Variants in UMAD1 observed in about 807,000 individuals in gnomAD.
UMAD1 encodes the protein UBAP1-MVB12-associated (UMA) domain containing 1, also known as UBAP1-MVB12-associated (UMA)-domain containing protein 1.
In UMAD1, 8 loss-of-function variants were observed where a neutral mutation model predicts 6.1. That is an observed-to-expected ratio of 1.30 (90% CI 0.76 to 2.35). UMAD1 has a LOEUF of 2.35. UMAD1 is among the 30% of genes most tolerant of loss of function. The pLI is 0.00. For missense variants in UMAD1, 130 were observed against 78.4 expected (o/e 1.66, Z -2.49); for synonymous variants, 56 against 31.4 (o/e 1.78, Z -2.61).
intron 2 of UMAD1, among the ~76,000 whole-genome samples, chr7:7,675,464 A>G (rs907126010): frequency 6.6e-6 from 1 of 152,168 alleles, no homozygotes; most frequent in African/African-American, 2.4e-5. Context: ...CTATCTCAGT[A>G]GAAGCCCAGT....
intron 3 of UMAD1, among the ~76,000 whole-genome samples, chr7:7,865,136 T>A (rs1784202003): frequency 6.6e-6 from 1 of 152,164 alleles, no homozygotes; most frequent in African/African-American, 2.4e-5. Context: ...TTTTGTAAGC[T>A]GCTCTAGCAA....
chr7:7,838,777 T>G lies in UMAD1; in HGVS notation c.156+37034T>G, dbSNP rs149365567. ...AAGGATATGAAAATAGATTTAAAAC[T>G]GCTTCACATAGCAGTATGGATGAAT... On this transcript the variant is annotated intron_variant, in intron 3 of 3. Transcript: ENST00000682710. Among the ~76,000 whole-genome samples the G allele has an allele frequency of 9.5e-3, 1,441 of 152,328 alleles. 22 individuals carry two copies. The highest frequency in any genetic ancestry group is 0.033 in the African/African-American group (1,364 of 41,570).
chr7:7,665,014 T>C lies in UMAD1; in HGVS notation c.-63-8295T>C, dbSNP rs185993468. Reference sequence around the variant, plus strand: ...TGGGTGATATATAGATATATATATATACACACACACACACATTCATACACA... The same window carrying C: ...TGGGTGATATATAGATATATATATACACACACACACACACATTCATACACA... On this transcript the variant is annotated intron_variant, in intron 1 of 3. Transcript: ENST00000682710. Among the ~76,000 whole-genome samples the C allele has an allele frequency of 2.6e-3, 379 of 148,058 alleles. 2 individuals carry two copies. The highest frequency in any genetic ancestry group is 8.6e-3 in the African/African-American group (356 of 41,194).
At chr7:7,755,168 A>G (rs10156195) in intron 2 of UMAD1, among the ~76,000 whole-genome samples, 14,140 of 152,106 alleles carry the variant, frequency 0.093, 731 homozygotes, top group African/African-American at 0.13. Context: ...AGACACAAAT[A>G]TTTTATTCTT....
chr7:7,684,022 G>A (rs748867065), intron 2 of UMAD1, among the ~76,000 whole-genome samples: 7 of 152,106 alleles, frequency 4.6e-5, no homozygotes, highest in Admixed American at 1.3e-4. Flanking sequence ...GACGCTCAAC[G>A]CTCTGATATA....
chr7:7,794,866 A>G (rs1216854592), intron 2 of UMAD1, among the ~76,000 whole-genome samples: 1 of 152,184 alleles, frequency 6.6e-6, no homozygotes, highest in Non-Finnish European at 1.5e-5. Flanking sequence ...TAAGGTCTGA[A>G]GAGAGACGCT....
chr7:7,761,420 G>T (rs1028429489), intron 2 of UMAD1, among the ~76,000 whole-genome samples: 3 of 148,400 alleles, frequency 2.0e-5, no homozygotes, highest in East Asian at 3.9e-4. Context: ...TTAGAAAATT[G>T]TTGTAATATG....
intron 2 of UMAD1, among the ~76,000 whole-genome samples, chr7:7,697,449 T>C (rs74893567): frequency 0.018 from 2,738 of 152,320 alleles, 82 homozygotes; most frequent in African/African-American, 0.063. Context: ...AGGTATCTTA[T>C]GGGTACATAC....
chr7:7,831,533 C>T (rs2115305162), intron 3 of UMAD1, among the ~76,000 whole-genome samples: 1 of 152,234 alleles, frequency 6.6e-6, no homozygotes, highest in Admixed American at 6.5e-5. Flanking sequence ...AATTGGATTA[C>T]TTAGTTTTGT....
intron 3 of UMAD1, among the ~76,000 whole-genome samples, chr7:7,820,499 C>A (rs897535215): frequency 6.6e-6 from 1 of 152,068 alleles, no homozygotes; most frequent in African/African-American, 2.4e-5. Context: ...AATATTATGT[C>A]TTTTAAATTT....
At position 7,801,673 on chromosome 7, in the gene UMAD1, A is replaced by G; in HGVS notation, c.86A>G (p.Asp29Gly). The stretch of plus-strand genomic sequence containing the variant: ...AGACATATATTTTACTTCATAGGAG[A>G]TACAACAGATGAGCAAAGAATGACA... ...TEADGFVLLG[D>G]TTDEQRMTAR... The change falls in exon 3 of 4, where the codon GAT becomes GGT. Residue 29 changes from aspartate (D) to glycine (G), a missense_variant. Asp to Gly is a moderately conservative substitution (Grantham distance 94). Coordinates refer to ENST00000682710, the MANE Select transcript of UMAD1 (RefSeq NM_001302348.2). 1 of 717,938 alleles carries G rather than the reference A, an allele frequency of 1.4e-6. No individual in the cohort carries two copies. The highest frequency in any genetic ancestry group is 2.7e-5 in the East Asian group (1 of 37,278). The allele number at this position is 717,938 out of a possible 1,614,324, so 44.5% of individuals were successfully genotyped here. A position where few individuals can be genotyped will look rare whatever the true frequency, so the allele number is the denominator to read the frequency against.
At chr7:7,775,623 GA>G (rs1285577292) in intron 2 of UMAD1, among the ~76,000 whole-genome samples, 1 of 152,140 alleles carries the variant, frequency 6.6e-6, no homozygotes, top group African/African-American at 2.4e-5. Flanking sequence ...ACACCCACTA[GA>G]AAGGCTAAAA....
At chr7:7,742,579 G>C in intron 2 of UMAD1, 1 of 510,986 alleles carries the variant, frequency 2.0e-6, no homozygotes, top group Non-Finnish European at 3.9e-6. Context: ...AAAAGGGTCA[G>C]GACAATTTCT....
chr7:7,751,994 A>G (rs915179998), intron 2 of UMAD1, among the ~76,000 whole-genome samples: 1 of 152,182 alleles, frequency 6.6e-6, no homozygotes, highest in Admixed American at 6.5e-5. Flanking sequence ...ACTTTAAACT[A>G]TAGTTTGAAA....
chr7:7,775,804 A>G (rs527671184), intron 2 of UMAD1, among the ~76,000 whole-genome samples: 1 of 152,344 alleles, frequency 6.6e-6, no homozygotes, highest in South Asian at 2.1e-4. Context: ...CTAGGTATTT[A>G]CTCAGGAGAA....
chr7:7,652,603 G>A (rs1417669868), intron 1 of UMAD1, among the ~76,000 whole-genome samples: 1 of 152,224 alleles, frequency 6.6e-6, no homozygotes, highest in Admixed American at 6.5e-5. Context: ...TAGAGAAGTA[G>A]GATAAAGAGG....
intron 2 of UMAD1, among the ~76,000 whole-genome samples, chr7:7,782,047 G>A (rs1346372930): frequency 1.3e-5 from 2 of 151,880 alleles, no homozygotes; most frequent in African/African-American, 2.4e-5. Context: ...CTATCATTAC[G>A]TTAGGAAAAG....
At position 7,788,753 on chromosome 7, in the gene UMAD1, A is replaced by T. The variant is rs533677634; in HGVS notation, c.83-12917A>T. ...GACTTAGAATATTTGTTGATATCAAACCTCTCCCCACCAAACACTTGAATT... is the reference window on the plus strand; with the variant it reads ...GACTTAGAATATTTGTTGATATCAATCCTCTCCCCACCAAACACTTGAATT... On this transcript the variant is annotated intron_variant, in intron 2 of 3. Coordinates refer to ENST00000682710, the MANE Select transcript of UMAD1 (RefSeq NM_001302348.2). Among the ~76,000 whole-genome samples the T allele has an allele frequency of 1.2e-3, 183 of 151,912 alleles. 2 individuals are homozygous for T. In the Middle Eastern group the frequency reaches 0.024, roughly 20 times the overall value.
intron 2 of UMAD1, among the ~76,000 whole-genome samples, chr7:7,715,658 C>A (rs1215024913): frequency 6.6e-6 from 1 of 152,012 alleles, no homozygotes; most frequent in African/African-American, 2.4e-5. Flanking sequence ...TAAAGATCCA[C>A]AAATTTCCAG....
Sources: allele counts gnomAD v4.1 joint callset (sites outside exome capture counted in the v4.1 genomes callset), GRCh38; gene constraint gnomAD v4.1.1; transcripts MANE v1.5; gene names NCBI Gene and HGNC (gene_info 2026-07-23, HGNC 2026-07-21).